Variants in DLGAP2 observed in about 807,000 individuals in gnomAD.
DLGAP2 encodes disks large-associated protein 2.
A neutral mutation model predicts 100.3 loss-of-function variants in DLGAP2; 26 were observed. The observed-to-expected ratio is 0.26, with a 90% CI of 0.19 to 0.36. DLGAP2 has a LOEUF of 0.36. Among genes scored for constraint, DLGAP2 ranks in the 10% least tolerant of loss-of-function variants. The pLI, the probability that DLGAP2 is intolerant of heterozygous loss-of-function variation, is 1.00. For missense variants in DLGAP2, 1,858 were observed against 1,453.2 expected (o/e 1.28, Z -4.53); for synonymous variants, 886 against 630.1 (o/e 1.41, Z -6.08).
At chr8:1,318,201 C>T (rs1037558395) in intron 3 of DLGAP2, among the ~76,000 whole-genome samples, 3 of 152,170 alleles carry the variant, frequency 2.0e-5, no homozygotes, top group African/African-American at 7.2e-5. Context: ...AATGGCTTTG[C>T]TGCTTTTCAT....
At chr8:1,171,482 G>A (rs905268574) in intron 2 of DLGAP2, among the ~76,000 whole-genome samples, 2 of 151,810 alleles carry the variant, frequency 1.3e-5, no homozygotes, top group African/African-American at 2.4e-5. Context: ...TGACAGTGGG[G>A]TATTAAAGTC....
intron 2 of DLGAP2, among the ~76,000 whole-genome samples, chr8:1,089,136 A>G (rs1804086398): frequency 6.8e-6 from 1 of 146,400 alleles, no homozygotes; most frequent in Non-Finnish European, 1.5e-5. Flanking sequence ...CCCCTCATCC[A>G]GCAGGCTATG....
At chr8:1,678,767 C>G (rs1021618223) in intron 12 of DLGAP2, 138 bp downstream of exon 12, 2 of 906,436 alleles carry the variant, frequency 2.2e-6, no homozygotes, top group African/African-American at 3.4e-5. Flanking sequence ...TCTAGTATAT[C>G]CCCCTCAATT....
intron 3 of DLGAP2, among the ~76,000 whole-genome samples, chr8:1,338,260 G>A (rs1801333745): frequency 6.6e-6 from 1 of 152,246 alleles, no homozygotes; most frequent in East Asian, 1.9e-4. Flanking sequence ...TGCTTAGCCA[G>A]AAAATGGAAA....
At chr8:1,117,706 G>C (rs1038179384) in intron 2 of DLGAP2, among the ~76,000 whole-genome samples, 1 of 152,142 alleles carries the variant, frequency 6.6e-6, no homozygotes, top group Admixed American at 6.5e-5. Flanking sequence ...AGAGGAGGGG[G>C]AGGCGGCTGT....
chr8:861,697 C>T (rs922725891), intron 1 of DLGAP2, among the ~76,000 whole-genome samples: 8 of 152,212 alleles, frequency 5.3e-5, no homozygotes, highest in African/African-American at 1.9e-4. Flanking sequence ...ACAGTGTTAG[C>T]TATGGCGGTT....
At chr8:1,655,548 A>C (rs1289400427) in intron 8 of DLGAP2, among the ~76,000 whole-genome samples, 1 of 152,252 alleles carries the variant, frequency 6.6e-6, no homozygotes, top group African/African-American at 2.4e-5. Context: ...AATGACTTTC[A>C]AGCATTGAAT....
At chr8:885,475 A>G (rs1797905184) in intron 1 of DLGAP2, among the ~76,000 whole-genome samples, 1 of 152,200 alleles carries the variant, frequency 6.6e-6, no homozygotes, top group African/African-American at 2.4e-5. Flanking sequence ...TTGATTTTGT[A>G]TCCTGAGACT....
At chr8:1,475,412 C>T (rs1798903339) in intron 3 of DLGAP2, among the ~76,000 whole-genome samples, 1 of 152,170 alleles carries the variant, frequency 6.6e-6, no homozygotes. Context: ...CTTTTCATCC[C>T]CCTGAAGTGC....
Position 1,568,749 on chromosome 8 carries a change from C to G in DLGAP2, c.1442+2855C>G, listed in dbSNP as rs1309252599. On this transcript the variant is annotated intron_variant, in intron 6 of 14. Transcript: ENST00000637795. ...ACACAATTCCGCTCTGCCCGTGGCCCCCATGCCACTGTCCACTCAGCAGAC... is the reference window on the plus strand; with the variant it reads ...ACACAATTCCGCTCTGCCCGTGGCCGCCATGCCACTGTCCACTCAGCAGAC... 1.4e-5 allele frequency among the ~76,000 whole-genome samples: 2 copies of G among 140,206 alleles called. 1 individual carries two copies. Among genetic ancestry groups the G allele is most frequent in the South Asian group, 4.8e-4 (2 of 4,140 alleles). 92.0% of individuals were successfully genotyped at this position (140,206 alleles called of 152,430 possible). A position where few individuals can be genotyped will look rare whatever the true frequency, so the allele number is the denominator to read the frequency against.
Position 1,098,729 on chromosome 8 carries a change from G to A in DLGAP2, c.74-160122G>A, listed in dbSNP as rs1261728054. 1.5e-3 allele frequency among the ~76,000 whole-genome samples: 205 copies of A among 134,014 alleles called. 8 individuals are homozygous for A. Among genetic ancestry groups the A allele is most frequent in the Middle Eastern group, 4.4e-3 (1 of 226 alleles). 87.9% of individuals were successfully genotyped at this position (134,014 alleles called of 152,430 possible). ...AGGCTCCCGGCCGCCCACGGGCGCC[G>A]CCACCCACGCCAGGCTCCCGGCCGC... On this transcript the variant is annotated intron_variant, in intron 2 of 14. Transcript: ENST00000637795.
intron 1 of DLGAP2, among the ~76,000 whole-genome samples, chr8:742,963 C>G (rs1482767907): frequency 1.3e-5 from 2 of 152,148 alleles, no homozygotes; most frequent in Non-Finnish European, 2.9e-5. Flanking sequence ...CTGGATTAGT[C>G]TTGACTATTT....
At chr8:1,502,285 T>G (rs1400640263) in intron 4 of DLGAP2, among the ~76,000 whole-genome samples, 2 of 152,222 alleles carry the variant, frequency 1.3e-5, no homozygotes, top group African/African-American at 4.8e-5. Flanking sequence ...TAAGTTCAAT[T>G]TATATTTAAA....
rs75673887 is a variant in DLGAP2, at chr8:1,159,023, C to G, written c.74-99828C>G. 4.0e-3 allele frequency among the ~76,000 whole-genome samples: 602 copies of G among 152,302 alleles called. 30 individuals carry two copies. The East Asian group carries it at 0.11, about 27-fold the overall frequency. On this transcript the variant is annotated intron_variant, in intron 2 of 14. Transcript: ENST00000637795. Reference sequence around the variant, plus strand: ...CTGTATTTCTGCAGAGATGAAAACACTTTCTTGTTAACCTCGATGTCAGTG... The same window carrying G: ...CTGTATTTCTGCAGAGATGAAAACAGTTTCTTGTTAACCTCGATGTCAGTG...
intron 2 of DLGAP2, among the ~76,000 whole-genome samples, chr8:1,086,087 A>C (rs1391474143): frequency 6.6e-6 from 1 of 152,160 alleles, no homozygotes. Context: ...GTGTAGAGAA[A>C]CACTAATGAC....
chr8:1,429,486 A>T (rs905353465), intron 3 of DLGAP2, among the ~76,000 whole-genome samples: 4 of 152,172 alleles, frequency 2.6e-5, no homozygotes, highest in Non-Finnish European at 5.9e-5. Context: ...TAAGAGATAC[A>T]AAAGGCTGGG....
chr8:1,296,221 T>C (rs545901660), intron 3 of DLGAP2: 14 of 152,254 alleles, frequency 9.2e-5, no homozygotes, highest in East Asian at 3.9e-4. Flanking sequence ...ACCGAGAGGT[T>C]AGAAATCAAG....
rs1821508422 is a variant in DLGAP2 at position 776,103 on chromosome 8, A to G, written c.18+38278A>G. On this transcript the variant is annotated intron_variant, in intron 1 of 14. Coordinates refer to ENST00000637795, the MANE Select transcript of DLGAP2 (RefSeq NM_001346810.2). ...GGAGAGTGTATGTGTTGAGGAATTT[A>G]TCCATTTCTTCTAGATTTTCTAGTT... Among the ~76,000 whole-genome samples, 3 of 151,840 alleles carry G rather than the reference A, an allele frequency of 2.0e-5. No individual in the cohort carries two copies. In the South Asian group the frequency reaches 6.2e-4, roughly 32 times the overall value.
rs533341233 is a variant in DLGAP2, at chr8:1,573,200, G to T, written c.1442+7306G>T. ...GAGATGAGAGAGGGTGAAGTGTCAG[G>T]GGCATCTGATGAGATGGAGAGGAGA... On this transcript the variant is annotated intron_variant, in intron 6 of 14. Coordinates refer to ENST00000637795, the MANE Select transcript of DLGAP2 (RefSeq NM_001346810.2). Among the ~76,000 whole-genome samples the T allele has an allele frequency of 3.4e-4, 48 of 139,296 alleles. 1 individual carries two copies. Among genetic ancestry groups the T allele is most frequent in the South Asian group, 1.7e-3 (7 of 4,006 alleles). The allele number at this position is 139,296 out of a possible 152,430, so 91.4% of individuals were successfully genotyped here.
Sources: allele counts gnomAD v4.1 joint callset (sites outside exome capture counted in the v4.1 genomes callset), GRCh38; gene constraint gnomAD v4.1.1; transcripts MANE v1.5; gene names NCBI Gene and HGNC (gene_info 2026-07-23, HGNC 2026-07-21).